Variants in ARHGAP22 observed in about 807,000 individuals in gnomAD.
ARHGAP22 encodes the protein Rho GTPase activating protein 22.
A neutral mutation model predicts 59.1 loss-of-function variants in ARHGAP22; 48 were observed. The ratio of observed to expected loss-of-function variants is 0.81; its 90% confidence interval spans 0.64 to 1.03. ARHGAP22 has a LOEUF of 1.03. ARHGAP22 is among the 50% of genes least tolerant of loss of function. The probability of loss-of-function intolerance (pLI) is 0.00; values close to 1 mark genes in which losing one functional copy is unlikely to be tolerated. For missense variants in ARHGAP22, 1,015 were observed against 958.7 expected (o/e 1.06, Z -0.78); for synonymous variants, 445 against 416.4 (o/e 1.07, Z -0.84).
At chr10:48,458,453 A>G (rs2046797000) in intron 5 of ARHGAP22, among the ~76,000 whole-genome samples, 1 of 152,116 alleles carries the variant, frequency 6.6e-6, no homozygotes, top group Non-Finnish European at 1.5e-5. Context: ...AGACCCCCCC[A>G]GCAGGATGGG....
chr10:48,652,275 G>T, exon 1 of ARHGAP22: 1 of 1,535,714 alleles, frequency 6.5e-7, no homozygotes, highest in Non-Finnish European at 8.7e-7. Context: ...GCTGGAAGCT[G>T]TCGGCAGCAT....
chr10:48,501,878 A>T (rs2051559076), intron 3 of ARHGAP22, among the ~76,000 whole-genome samples: 1 of 152,212 alleles, frequency 6.6e-6, no homozygotes, highest in Non-Finnish European at 1.5e-5. Context: ...GGAGCTGGAT[A>T]CTGGGCCCCA....
chr10:48,637,826 C>T (rs781405247), intron 1 of ARHGAP22, among the ~76,000 whole-genome samples: 1 of 152,146 alleles, frequency 6.6e-6, no homozygotes, highest in Non-Finnish European at 1.5e-5. Context: ...ACCTACATTC[C>T]CCTCCCAACA....
intron 4 of ARHGAP22, among the ~76,000 whole-genome samples, chr10:48,462,947 C>T (rs2047294941): frequency 6.6e-6 from 1 of 152,250 alleles, no homozygotes; most frequent in Non-Finnish European, 1.5e-5. Flanking sequence ...CTGTCTCTCA[C>T]CTCAGTCAGA....
chr10:48,545,592 A>G (rs1291884547), intron 3 of ARHGAP22, among the ~76,000 whole-genome samples: 2 of 152,210 alleles, frequency 1.3e-5, no homozygotes, highest in Non-Finnish European at 2.9e-5. Context: ...CGGTATCAGC[A>G]TCCTCCCCAC....
At chr10:48,558,293 T>C (rs2057438937) in intron 2 of ARHGAP22, among the ~76,000 whole-genome samples, 1 of 152,216 alleles carries the variant, frequency 6.6e-6, no homozygotes, top group Non-Finnish European at 1.5e-5. Context: ...CTTTTTAACC[T>C]TTGTTTTTAC....
intron 3 of ARHGAP22, among the ~76,000 whole-genome samples, chr10:48,509,939 G>A (rs993182666): frequency 2.1e-4 from 32 of 152,196 alleles, no homozygotes; most frequent in Admixed American, 1.4e-3. Flanking sequence ...ACGCTTTCCA[G>A]ACAGTCCATT....
intron 3 of ARHGAP22, among the ~76,000 whole-genome samples, chr10:48,510,305 C>T (rs969826365): frequency 6.6e-6 from 1 of 152,228 alleles, no homozygotes; most frequent in Admixed American, 6.5e-5. Flanking sequence ...AGTGAATCTG[C>T]AGACATCAGG....
chr10:48,474,986 C>T (rs972434166), intron 4 of ARHGAP22, among the ~76,000 whole-genome samples: 1 of 152,120 alleles, frequency 6.6e-6, no homozygotes, highest in African/African-American at 2.4e-5. Context: ...AACCAACTTC[C>T]TCTTTACCTC....
Position 48,450,547 on chromosome 10 carries a change from T to G in ARHGAP22, c.1582A>C (p.Ser528Arg). ...SESSVGGSLS[S>R]CTACRASDSS... ...TCGCTGGCGCGGCAGGCCGTGCAGC[T>G]GCTGAGTGAGCCCCCCACCGACGAC... Residue 528 changes from serine to arginine, a missense_variant, in exon 9 of 10, where the codon AGC becomes CGC. Physicochemically the swap from Ser to Arg is moderately radical, Grantham distance 110 (BLOSUM62 -1). Transcript: ENST00000249601. The G allele has an allele frequency of 6.6e-7, 1 of 1,522,634 alleles. No homozygotes were observed. Among genetic ancestry groups the G allele is most frequent in the Non-Finnish European group, 8.8e-7 (1 of 1,135,558 alleles). The allele number at this position is 1,522,634 out of a possible 1,614,324, so 94.3% of individuals were successfully genotyped here.
intron 3 of ARHGAP22, 49 bp from the exon 4 acceptor site, chr10:48,479,813 C>T: frequency 1.3e-6 from 2 of 1,488,766 alleles, no homozygotes; most frequent in Non-Finnish European, 9.0e-7. Flanking sequence ...GCCCGCAGCA[C>T]ACTCTCCACC....
Position 48,540,560 on chromosome 10 carries a change from G to A in ARHGAP22, c.322+14903C>T, listed in dbSNP as rs565109308. Among the ~76,000 whole-genome samples, 4 of 152,290 alleles carry A rather than the reference G, an allele frequency of 2.6e-5. No individual in the cohort carries two copies. In the South Asian group the frequency reaches 8.3e-4, roughly 32 times the overall value. ...CCTGTCAATTCTTTATATGGAGGAA[G>A]CAGGCCCAAATTTACCCTATAGAAA... On this transcript the variant is annotated intron_variant, in intron 3 of 9. Coordinates refer to ENST00000249601, the MANE Select transcript of ARHGAP22 (RefSeq NM_021226.4).
chr10:48,493,581 T>A, intron 3 of ARHGAP22: 2 of 1,502,160 alleles, frequency 1.3e-6, no homozygotes, highest in African/African-American at 1.4e-5. Flanking sequence ...GAGGCACTCC[T>A]CCACTGCAGG....
chr10:48,560,462 C>A (rs922941474), intron 2 of ARHGAP22, among the ~76,000 whole-genome samples: 3 of 152,154 alleles, frequency 2.0e-5, no homozygotes, highest in Non-Finnish European at 4.4e-5. Context: ...TACAGTTTTA[C>A]TTCTTCCTTT....
intron 4 of ARHGAP22, among the ~76,000 whole-genome samples, chr10:48,476,800 G>A (rs72783093): frequency 0.12 from 18,531 of 152,192 alleles, 1,144 homozygotes; most frequent in Non-Finnish European, 0.14. Flanking sequence ...ACATGTGGCC[G>A]GGGAGCCAGG....
chr10:48,550,437 G>A (rs1410920348), intron 3 of ARHGAP22, among the ~76,000 whole-genome samples: 1 of 152,194 alleles, frequency 6.6e-6, no homozygotes, highest in East Asian at 1.9e-4. Flanking sequence ...GGAAAGAGGT[G>A]GACTCCATTT....
At chr10:48,533,397 T>C (rs1325035367) in intron 3 of ARHGAP22, among the ~76,000 whole-genome samples, 2 of 152,200 alleles carry the variant, frequency 1.3e-5, no homozygotes, top group African/African-American at 4.8e-5. Flanking sequence ...AGCCTGGCTT[T>C]GGCAAATATG....
At chr10:48,499,617 G>C (rs545141809) in intron 3 of ARHGAP22, among the ~76,000 whole-genome samples, 3 of 152,316 alleles carry the variant, frequency 2.0e-5, no homozygotes, top group East Asian at 3.9e-4. Context: ...CCAGACAAGA[G>C]AAAGAATGGA....
At chr10:48,441,140 T>C (rs1366086348), downstream of ARHGAP22, among the ~76,000 whole-genome samples, 2 of 152,232 alleles carry the variant, frequency 1.3e-5, no homozygotes, top group South Asian at 2.1e-4. Context: ...CTCACCTGCC[T>C]GTAGACCTCT....
Sources: allele counts gnomAD v4.1 joint callset (sites outside exome capture counted in the v4.1 genomes callset), GRCh38; gene constraint gnomAD v4.1.1; transcripts MANE v1.5; gene names NCBI Gene and HGNC (gene_info 2026-07-23, HGNC 2026-07-21).